TAFA4: variants seen among roughly 807,000 people sequenced by gnomAD.
TAFA4 encodes TAFA chemokine like family member 4.
In TAFA4, 20 loss-of-function variants were observed where a neutral mutation model predicts 21.1. The ratio of observed to expected loss-of-function variants is 0.95; its 90% confidence interval spans 0.67 to 1.38. The LOEUF (loss-of-function observed/expected upper bound fraction) is 1.38, where lower values mean the gene tolerates loss of function less well. TAFA4 is among the 40% of genes most tolerant of loss of function. The pLI is 0.00. For synonymous variants in TAFA4, 71 were observed against 67.4 expected (o/e 1.05, Z -0.26); for missense variants, 211 against 180.9 (o/e 1.17, Z -0.95).
intron 3 of TAFA4, among the ~76,000 whole-genome samples, chr3:68,843,822 T>C (rs372024856): frequency 6.6e-6 from 1 of 152,378 alleles, no homozygotes. Context: ...ATTACAGTTA[T>C]TTATTTTCAT....
At chr3:68,831,372 G>T (rs1217367629) in intron 3 of TAFA4, among the ~76,000 whole-genome samples, 1 of 152,172 alleles carries the variant, frequency 6.6e-6, no homozygotes, top group Admixed American at 6.5e-5. Context: ...GCTCTTGTAA[G>T]GCAAGCCTGG....
chr3:68,931,811 T>C (rs765423952), intron 1 of TAFA4, among the ~76,000 whole-genome samples: 21 of 152,124 alleles, frequency 1.4e-4, no homozygotes, highest in Non-Finnish European at 2.4e-4. Flanking sequence ...CCCACCTGCT[T>C]GCTCCTAGAA....
At chr3:68,846,480 G>A (rs1367445029) in intron 3 of TAFA4, among the ~76,000 whole-genome samples, 3 of 151,966 alleles carry the variant, frequency 2.0e-5, no homozygotes, top group Non-Finnish European at 4.4e-5. Flanking sequence ...TTAGCTCGGA[G>A]GAGTCTGTTA....
chr3:68,875,334 T>C lies in TAFA4; in HGVS notation c.130+5396A>G, dbSNP rs375447790. Among the ~76,000 whole-genome samples the C allele has an allele frequency of 5.3e-5, 8 of 152,274 alleles. No homozygotes were observed. In the East Asian group the frequency reaches 1.5e-3, roughly 29 times the overall value. On this transcript the variant is annotated intron_variant, in intron 3 of 5. Transcript: ENST00000295569. Reference sequence around the variant, plus strand: ...ATAATACAGGTGCCTGCACTCTACTTTGTAAGGTTCAGATGGAATCTCGCT... The same window carrying C: ...ATAATACAGGTGCCTGCACTCTACTCTGTAAGGTTCAGATGGAATCTCGCT...
At chr3:68,783,713 A>AAAGG (rs1553641278) in intron 3 of TAFA4, among the ~76,000 whole-genome samples, 1 of 80,756 alleles carries the variant, frequency 1.2e-5, no homozygotes, top group Non-Finnish European at 2.4e-5. Flanking sequence ...GAGAGAAAGA[A>AAAGG]AAAGAAAGAA....
intron 3 of TAFA4, among the ~76,000 whole-genome samples, chr3:68,842,247 T>C (rs924077419): frequency 6.6e-6 from 1 of 152,216 alleles, no homozygotes; most frequent in Non-Finnish European, 1.5e-5. Flanking sequence ...TTCTAACTGG[T>C]AGGAGATGGT....
intron 3 of TAFA4, among the ~76,000 whole-genome samples, chr3:68,807,355 T>C (rs1361186525): frequency 1.3e-5 from 2 of 152,208 alleles, no homozygotes. Context: ...TGTTAAGGCA[T>C]AGGCAAGCTG....
At chr3:68,909,469 A>T (rs1333424628) in intron 1 of TAFA4, among the ~76,000 whole-genome samples, 2 of 152,192 alleles carry the variant, frequency 1.3e-5, no homozygotes, top group Non-Finnish European at 1.5e-5. Flanking sequence ...TGAATGAGTG[A>T]ATGGCTCAAT....
At chr3:68,858,945 G>T (rs935026509) in intron 3 of TAFA4, among the ~76,000 whole-genome samples, 2 of 151,898 alleles carry the variant, frequency 1.3e-5, no homozygotes, top group African/African-American at 4.8e-5. Flanking sequence ...ACAGAGACAG[G>T]CCTGAGGGTG....
chr3:68,858,129 G>T (rs989589764), intron 3 of TAFA4, among the ~76,000 whole-genome samples: 1 of 152,100 alleles, frequency 6.6e-6, no homozygotes, highest in Non-Finnish European at 1.5e-5. Context: ...CAGGGAGCCA[G>T]CACTTAAGTC....
chr3:68,880,080 A>ACACACAC (rs1559552327), intron 3 of TAFA4, among the ~76,000 whole-genome samples: 7 of 141,812 alleles, frequency 4.9e-5, no homozygotes, highest in African/African-American at 1.8e-4. Flanking sequence ...CACACACACA[A>ACACACAC]ACACACAAAC....
At chr3:68,908,166 G>T (rs1387734) in intron 1 of TAFA4, among the ~76,000 whole-genome samples, 3 of 152,336 alleles carry the variant, frequency 2.0e-5, no homozygotes, top group Admixed American at 6.5e-5. Context: ...ACTAAATAAC[G>T]CTCTAAAAGT....
At chr3:68,930,378 A>G (rs543563977) in intron 1 of TAFA4, among the ~76,000 whole-genome samples, 1 of 152,326 alleles carries the variant, frequency 6.6e-6, no homozygotes, top group African/African-American at 2.4e-5. Context: ...ATTGGCAGCC[A>G]CTGCTTTTCT....
intron 3 of TAFA4, among the ~76,000 whole-genome samples, chr3:68,797,698 G>C (rs991062963): frequency 3.3e-5 from 5 of 150,682 alleles, no homozygotes; most frequent in Admixed American, 2.6e-4. Flanking sequence ...AGTGAAATAA[G>C]CTGGTCACAA....
At chr3:68,827,876 T>C (rs1343449462) in intron 3 of TAFA4, among the ~76,000 whole-genome samples, 1 of 152,232 alleles carries the variant, frequency 6.6e-6, no homozygotes, top group African/African-American at 2.4e-5. Context: ...GCAGAAGCTC[T>C]TTGGTTTAAT....
intron 3 of TAFA4, among the ~76,000 whole-genome samples, chr3:68,866,238 G>C (rs897050604): frequency 1.3e-5 from 2 of 152,070 alleles, no homozygotes; most frequent in African/African-American, 4.8e-5. Flanking sequence ...AGTTCTTCTG[G>C]GCATGAACCC....
chr3:68,764,498 T>A (rs931230315), intron 3 of TAFA4, among the ~76,000 whole-genome samples: 1 of 152,152 alleles, frequency 6.6e-6, no homozygotes, highest in Non-Finnish European at 1.5e-5. Flanking sequence ...AAAGGTGAAA[T>A]GATTCGTATT....
intron 1 of TAFA4, among the ~76,000 whole-genome samples, chr3:68,903,605 T>C (rs992032947): frequency 6.6e-6 from 1 of 152,238 alleles, no homozygotes; most frequent in African/African-American, 2.4e-5. Context: ...CATTTCCATA[T>C]AATGGCTTCC....
At chr3:68,744,005 A>AGGTCTGGGGG (rs1702406069) in intron 4 of TAFA4, among the ~76,000 whole-genome samples, 3 of 152,230 alleles carry the variant, frequency 2.0e-5, no homozygotes, top group Admixed American at 1.3e-4. Context: ...AATTTAAAAT[A>AGGTCTGGGGG]CCATCTGCAG....
Sources: gnomAD v4.1 joint callset for allele counts (sites outside exome capture counted in the v4.1 genomes callset) on GRCh38, gnomAD v4.1.1 for gene constraint, MANE v1.5 for transcripts, NCBI Gene and HGNC (gene_info 2026-07-23, HGNC 2026-07-21) for gene names.